UNC13D: variants seen among roughly 807,000 people sequenced by gnomAD.
UNC13D encodes protein unc-13 homolog D.
UNC13D carries 115 observed loss-of-function variants against 151.7 expected under a neutral mutation model. The ratio of observed to expected loss-of-function variants is 0.76; its 90% CI spans 0.65 to 0.88. The LOEUF is 0.88. UNC13D is among the 40% of genes least tolerant of loss of function. The pLI, the probability that UNC13D is intolerant of heterozygous loss-of-function variation, is 0.00. For synonymous variants in UNC13D, 588 were observed against 612.2 expected, an observed-to-expected ratio of 0.96 and a Z score of 0.58; for missense variants, 1,369 against 1,438.7, an observed-to-expected ratio of 0.95 and a Z score of 0.78.
chr17:75,841,949 G>A (rs908439257), intron 6 of UNC13D, among the ~76,000 whole-genome samples: 3 of 151,656 alleles, frequency 2.0e-5, no homozygotes, highest in East Asian at 1.9e-4. Context: ...GGGTTTCACC[G>A]TGTTAGCCAG....
Position 75,834,397 on chromosome 17 carries a change from A to T in UNC13D, c.2226T>A (p.His742Gln), listed in dbSNP as rs759565903. The T allele has an allele frequency of 1.3e-6, 2 of 1,588,306 alleles. No individual in the cohort carries two copies. The highest frequency in any genetic ancestry group is 2.2e-5 in the South Asian group (2 of 89,278). The change falls in exon 23 of 32, where the codon CAT becomes CAA. Residue 742 changes from histidine (H) to glutamine (Q), a missense_variant. This residue lies in a region of UNC13D where 807 missense variants were observed against 795.5 expected (regional missense o/e 1.01). Coordinates refer to ENST00000207549, the MANE Select transcript of UNC13D (RefSeq NM_199242.3). ...LEQGQLQNTL[H>Q]AQLQSALAGL... ...CGGCCAGCGCGCTCTGCAGCTGGGCATGCAGCGTGTTCTGCAGCTGCCCCT... is the reference window on the plus strand; with the variant it reads ...CGGCCAGCGCGCTCTGCAGCTGGGCTTGCAGCGTGTTCTGCAGCTGCCCCT...
chr17:75,837,006 C>CCCTCCTCCAGGGACCCTGGTGGAGAA, intron 12 of UNC13D, 88 bp from the exon 13 acceptor site: 1 of 1,211,602 alleles, frequency 8.3e-7, no homozygotes, highest in Non-Finnish European at 1.2e-6. Flanking sequence ...GGAATCGCCT[C>CCCTCCTCCAGGGACCCTGGTGGAGAA]CCATCCACCA....
Position 75,838,962 on chromosome 17 carries a change from C to T in UNC13D, c.1055+877G>A, listed in dbSNP as rs968638369. Among the ~76,000 whole-genome samples, 66 of 152,200 alleles carry T rather than the reference C, an allele frequency of 4.3e-4. 1 individual carries two copies. The highest frequency in any genetic ancestry group is 6.5e-4 in the Admixed American group (10 of 15,290). On this transcript the variant is annotated intron_variant, in intron 12 of 31. Coordinates refer to ENST00000207549, the MANE Select transcript of UNC13D (RefSeq NM_199242.3). ...AAAAATACAAAAAATTAGCCGGGCG[C>T]GGTGGCTGGCGCCTGTAGTCCCAGC...
chr17:75,836,484 C>G, intron 14 of UNC13D, 55 bp from the exon 15 acceptor site: 1 of 1,612,378 alleles, frequency 6.2e-7, no homozygotes. Context: ...ACTGCACTCA[C>G]TCCTCCAACA....
chr17:75,829,181 C>T (rs1389652994), intron 30 of UNC13D, among the ~76,000 whole-genome samples, 198 bp from the exon 31 acceptor site: 3 of 152,222 alleles, frequency 2.0e-5, no homozygotes, highest in Non-Finnish European at 4.4e-5. Context: ...GTCCTGTGTT[C>T]CCTGTTCACC....
At position 75,828,804 on chromosome 17, in the gene UNC13D, G is replaced by C; in HGVS notation, c.3134C>G (p.Thr1045Arg). 4 of 1,554,468 alleles carry C rather than the reference G, an allele frequency of 2.6e-6. No homozygotes were observed. The highest frequency in any genetic ancestry group is 3.5e-6 in the Non-Finnish European group (4 of 1,151,426). ...GEVPQTRLPL[T>R]YPAPNGDPIL... is the part of the protein sequence containing the mutation. ...AGGCCTACCGTTGGGTGCGGGGTAC[G>C]TGAGGGGCAGGCGGGTCTGAGGCAC... Residue 1045 changes from threonine (T) to arginine (R), a missense_variant, in exon 31 of 32, where the codon ACG (threonine) becomes AGG (arginine). Transcript: ENST00000207549.
Position 75,828,816 on chromosome 17 carries a change from C to T in UNC13D, c.3122G>A (p.Arg1041His), listed in dbSNP as rs374478310. The stretch of plus-strand genomic sequence containing the variant: ...GGGTGCGGGGTACGTGAGGGGCAGG[C>T]GGGTCTGAGGCACCTCACCAGGCTC... ...SEEPGEVPQT[R>H]LPLTYPAPNG... is the part of the protein sequence containing the mutation. Residue 1041 changes from arginine to histidine, a missense_variant, in exon 31 of 32, where the codon CGC becomes CAC. Physicochemically the swap from Arg to His is conservative, Grantham distance 29. Coordinates refer to ENST00000207549, the MANE Select transcript of UNC13D (RefSeq NM_199242.3). 68 of 1,560,082 alleles carry T rather than the reference C, an allele frequency of 4.4e-5. No homozygotes were observed. Among genetic ancestry groups the T allele is most frequent in the Non-Finnish European group, 5.1e-5 (59 of 1,154,864 alleles).
In UNC13D at chr17:75,835,787, A is replaced by T. The variant is rs1196365788; in HGVS notation, c.1597-10T>A. On this transcript the variant is annotated splice_polypyrimidine_tract_variant and intron_variant, in intron 18 of 31. Transcript: ENST00000207549. The stretch of plus-strand genomic sequence containing the variant: ...GCACCCGCTTGGCCACCTGCAAAGG[A>T]AAGGTGTGGAGGGCGGGGCCCACAG... 1.2e-6 allele frequency: 2 copies of T among 1,613,866 alleles called. No homozygotes were observed. The highest frequency in any genetic ancestry group is 2.7e-5 in the African/African-American group (2 of 74,944).
chr17:75,841,118 T>G, intron 6 of UNC13D, 117 bp from the exon 7 acceptor site: 37 of 665,636 alleles, frequency 5.6e-5, no homozygotes, highest in Middle Eastern at 3.5e-4. Flanking sequence ...CAAACTTCCC[T>G]CCTCCCAGCC....
Position 75,827,617 on chromosome 17 carries a change from G to A in UNC13D, c.*348C>T. The stretch of plus-strand genomic sequence containing the variant: ...CCAGTGGCTGGAACAGGAAGGCCAG[G>A]AGGCAGATGGGCCAGGGCCAGGAGA... On this transcript the variant is annotated 3_prime_UTR_variant, in exon 32 of 32. Transcript: ENST00000207549. 1 of 1,535,458 alleles carries A rather than the reference G, an allele frequency of 6.5e-7. No homozygotes were observed. The highest frequency in any genetic ancestry group is 8.7e-7 in the Non-Finnish European group (1 of 1,146,730).
intron 14 of UNC13D, 43 bp from the exon 15 acceptor site, chr17:75,836,472 A>G: frequency 6.2e-7 from 1 of 1,612,164 alleles, no homozygotes; most frequent in Non-Finnish European, 8.5e-7. Flanking sequence ...CTGCTGCCCC[A>G]CACTGCACTC....
chr17:75,843,846 G>T (rs541389072), intron 1 of UNC13D: 31 of 1,372,642 alleles, frequency 2.3e-5, no homozygotes, highest in Non-Finnish European at 2.7e-5. Flanking sequence ...GCTCGGCAGC[G>T]GAGGTGAGGG....
At chr17:75,831,524 C>T in intron 25 of UNC13D, 176 bp from the exon 26 acceptor site, 1 of 627,040 alleles carries the variant, frequency 1.6e-6, no homozygotes, top group Non-Finnish European at 2.8e-6. Flanking sequence ...AGGGTGGGTA[C>T]AGGACCAGCA....
At position 75,836,338 on chromosome 17, in the gene UNC13D, C is replaced by G; in HGVS notation, c.1389+1G>C. Reference sequence around the variant, plus strand: ...CCCCATCCCCAGCGCGAGTACCATACCTGCAGGGCCTCAGTCACCAGCTGG... The same window carrying G: ...CCCCATCCCCAGCGCGAGTACCATAGCTGCAGGGCCTCAGTCACCAGCTGG... On this transcript the variant is annotated splice_donor_variant, in intron 15 of 31. Transcript: ENST00000207549. LOFTEE classifies it high-confidence loss of function. The G allele has an allele frequency of 6.2e-7, 1 of 1,613,918 alleles. No individual in the cohort carries two copies. The highest frequency in any genetic ancestry group is 1.6e-4 in the Middle Eastern group (1 of 6,062).
intron 21 of UNC13D, 31 bp from the exon 22 acceptor site, chr17:75,834,747 C>T (rs1203395602): frequency 6.2e-7 from 1 of 1,612,068 alleles, no homozygotes; most frequent in Non-Finnish European, 8.5e-7. Context: ...GGGAACTGAT[C>T]CATGGGTGGG....
At chr17:75,842,692 G>A in intron 5 of UNC13D, 79 bp from the exon 6 acceptor site, 2 of 1,605,494 alleles carry the variant, frequency 1.2e-6, no homozygotes, top group Middle Eastern at 1.9e-4. Flanking sequence ...CCCCGCCCGG[G>A]GCTGAGCCTC....
Position 75,840,249 on chromosome 17 carries a change from G to C in UNC13D, c.834C>G (p.Leu278=). The C allele has an allele frequency of 1.2e-6, 2 of 1,614,064 alleles. No homozygotes were observed. The highest frequency in any genetic ancestry group is 1.7e-6 in the Non-Finnish European group (2 of 1,180,038). Residue 278 remains leucine (L), a synonymous_variant, in exon 10 of 32, where the codon CTC becomes CTG. Coordinates refer to ENST00000207549, the MANE Select transcript of UNC13D (RefSeq NM_199242.3). This position sits in a 1 kb window ranked among gnomAD's most constrained non-coding sequence, Gnocchi z 4.6. ...ETYPDRGQCH[L]QFQLIHKRRA... ...CCCGCTTATGGATGAGTTGGAACTG[G>C]AGGTGGCACTGGCCTCGGTCTGGGT...
In UNC13D at chr17:75,840,597, T is replaced by A; in HGVS notation, c.684-21A>T. ...AGATCCTGCGTCAGGCAGGGTCCCA[T>A]AAGGGGGACGCAGCAAGGGTCGGAA... On this transcript the variant is annotated intron_variant, in intron 8 of 31. Transcript: ENST00000207549. The surrounding 1 kb of genome is among the most constrained non-coding windows in gnomAD (Gnocchi z 4.6). 1 of 1,613,836 alleles carries A rather than the reference T, an allele frequency of 6.2e-7. No individual in the cohort carries two copies. The highest frequency in any genetic ancestry group is 1.1e-5 in the South Asian group (1 of 91,080).
At chr17:75,834,841 G>A in intron 21 of UNC13D, 79 bp downstream of exon 21, 1 of 1,612,288 alleles carries the variant, frequency 6.2e-7, no homozygotes, top group Middle Eastern at 1.7e-4. Flanking sequence ...GGCTGCCTGG[G>A]TGAGAGCACG....
Sources: gnomAD v4.1 joint callset for allele counts (sites outside exome capture counted in the v4.1 genomes callset) on GRCh38, gnomAD v4.1.1 for gene constraint, gnomAD v4.1.1 regional missense constraint, Gnocchi (gnomAD v3.1) non-coding constraint, MANE v1.5 for transcripts, NCBI Gene and HGNC (gene_info 2026-07-23, HGNC 2026-07-21) for gene names.